Variants in CCDC197 observed in about 807,000 individuals in gnomAD.
The protein encoded by CCDC197 is coiled-coil domain containing 197.
CCDC197 carries 24 observed loss-of-function variants against 13.4 expected under a neutral mutation model. That is an observed-to-expected ratio of 1.80 (90% CI 1.30 to 2.53). CCDC197 has a LOEUF of 2.53. Ranked by LOEUF, CCDC197 falls within the 30% of genes most tolerant of loss-of-function variation. The pLI is 0.00. For synonymous variants in CCDC197, 99 were observed against 55.5 expected (o/e 1.78, Z -3.48); for missense variants, 255 against 148.8 (o/e 1.71, Z -3.71).
intron 6 of CCDC197, among the ~76,000 whole-genome samples, chr14:94,008,073 A>G (rs145168529): frequency 2.0e-5 from 3 of 152,186 alleles, no homozygotes; most frequent in African/African-American, 7.2e-5. Context: ...AAATAGTCAC[A>G]GTGTATTAAT....
At chr14:93,998,716 C>T (rs908871162) in intron 2 of CCDC197, among the ~76,000 whole-genome samples, 1 of 152,254 alleles carries the variant, frequency 6.6e-6, no homozygotes, top group African/African-American at 2.4e-5. Flanking sequence ...GCTGACCCAA[C>T]AGATTCAGAG....
At chr14:94,006,081 C>G (rs981055105) in intron 6 of CCDC197, among the ~76,000 whole-genome samples, 2 of 152,212 alleles carry the variant, frequency 1.3e-5, no homozygotes, top group Non-Finnish European at 2.9e-5. Context: ...CTGCCAAACT[C>G]TTTTCCAAAG....
intron 3 of CCDC197, among the ~76,000 whole-genome samples, chr14:94,000,129 G>A (rs1045288341): frequency 1.3e-5 from 2 of 152,034 alleles, no homozygotes; most frequent in African/African-American, 4.8e-5. Context: ...TATGAGTACT[G>A]GAAACTCATT....
chr14:93,990,904 C>T (rs904247247), intron 1 of CCDC197, among the ~76,000 whole-genome samples: 5 of 152,174 alleles, frequency 3.3e-5, no homozygotes, highest in African/African-American at 1.2e-4. Context: ...ACAGCAACCC[C>T]AGGAGGTAGG....
At chr14:94,010,313 C>T (rs1890786683), downstream of CCDC197, among the ~76,000 whole-genome samples, 1 of 152,232 alleles carries the variant, frequency 6.6e-6, no homozygotes, top group Admixed American at 6.5e-5. Flanking sequence ...AAGCGATTCT[C>T]CTGCCTCAGC....
In CCDC197 at chr14:93,997,996, G is replaced by A; in HGVS notation, c.-133-3G>A. 3.1e-6 allele frequency: 2 copies of A among 641,706 alleles called. No individual in the cohort carries two copies. Among genetic ancestry groups the A allele is most frequent in the Non-Finnish European group, 5.7e-6 (2 of 353,178 alleles). The allele number at this position is 641,706 out of a possible 1,614,324, so 39.8% of individuals were successfully genotyped here. ...TCTGAACCTCTGTCTCCTTTTCTGTGAGGTGGGGATGCTAACCCTGGCTTC... is the reference window on the plus strand; with the variant it reads ...TCTGAACCTCTGTCTCCTTTTCTGTAAGGTGGGGATGCTAACCCTGGCTTC... On this transcript the variant is annotated splice_polypyrimidine_tract_variant and splice_region_variant and intron_variant, in intron 1 of 6. Coordinates refer to ENST00000636493, the MANE Select transcript of CCDC197 (RefSeq NM_001351596.2).
chr14:93,997,979 T>C lies in CCDC197; in HGVS notation c.-133-20T>C. The C allele has an allele frequency of 1.6e-6, 1 of 626,670 alleles. No individual in the cohort carries two copies. The highest frequency in any genetic ancestry group is 2.9e-6 in the Non-Finnish European group (1 of 346,964). 38.8% of individuals were successfully genotyped at this position (626,670 alleles called of 1,614,324 possible). On this transcript the variant is annotated intron_variant, in intron 1 of 6. Transcript: ENST00000636493. ...GCTGCTCACAGCCCCTTTCTGAACC[T>C]CTGTCTCCTTTTCTGTGAGGTGGGG...
At chr14:94,011,580 G>A (rs144016811), downstream of CCDC197, among the ~76,000 whole-genome samples, 60 of 152,330 alleles carry the variant, frequency 3.9e-4, no homozygotes, top group African/African-American at 1.1e-3. Context: ...CAGAAAGCTC[G>A]CTCCCCCATG....
chr14:93,990,141 C>T (rs1428732568), intron 1 of CCDC197, among the ~76,000 whole-genome samples: 1 of 152,190 alleles, frequency 6.6e-6, no homozygotes, highest in East Asian at 1.9e-4. Context: ...GGTAATCTTC[C>T]TAGTTCAAGG....
upstream of CCDC197, chr14:93,997,143 G>C (rs1484964918): frequency 1.3e-5 from 2 of 152,282 alleles, no homozygotes; most frequent in Non-Finnish European, 2.9e-5. Context: ...TCTTGGGAAC[G>C]GGACTGGGAG....
chr14:94,002,081 C>CTTAAAAT (rs1284125631), intron 4 of CCDC197, among the ~76,000 whole-genome samples: 1 of 152,180 alleles, frequency 6.6e-6, no homozygotes, highest in Non-Finnish European at 1.5e-5. Context: ...AAATATCACG[C>CTTAAAAT]CAGCACCTCT....
intron 6 of CCDC197, among the ~76,000 whole-genome samples, chr14:94,005,329 A>C (rs979937226): frequency 6.6e-5 from 10 of 152,192 alleles, no homozygotes; most frequent in Non-Finnish European, 1.2e-4. Context: ...ACACAGACAC[A>C]CCTGCAAATA....
At chr14:94,009,324 G>A (rs1388696108), downstream of CCDC197, among the ~76,000 whole-genome samples, 4 of 152,174 alleles carry the variant, frequency 2.6e-5, no homozygotes, top group East Asian at 5.8e-4. Context: ...TACCAGGTTG[G>A]TACCTTCTGC....
chr14:94,006,460 ATTGTC>A (rs1345994669), intron 6 of CCDC197, among the ~76,000 whole-genome samples: 2 of 151,848 alleles, frequency 1.3e-5, no homozygotes, highest in Non-Finnish European at 2.9e-5. Context: ...GGTTCAAGCA[ATTGTC>A]TTGCCTCAGC....
chr14:93,993,136 C>T (rs1361541804), upstream of CCDC197, among the ~76,000 whole-genome samples: 1 of 152,196 alleles, frequency 6.6e-6, no homozygotes, highest in African/African-American at 2.4e-5. Flanking sequence ...AGCTCCTGTG[C>T]TCTTGCATTA....
intron 3 of CCDC197, among the ~76,000 whole-genome samples, chr14:94,000,227 G>A (rs940138124): frequency 6.6e-6 from 1 of 152,058 alleles, no homozygotes; most frequent in Non-Finnish European, 1.5e-5. Context: ...TATTAAATAT[G>A]TACCCTGTGC....
Position 93,998,228 on chromosome 14 carries a change from C to T in CCDC197, c.97C>T (p.Gln33Ter), listed in dbSNP as rs1383611562. 1 of 780,066 alleles carries T rather than the reference C, an allele frequency of 1.3e-6. No homozygotes were observed. The highest frequency in any genetic ancestry group is 2.4e-6 in the Non-Finnish European group (1 of 418,116). The allele number at this position is 780,066 out of a possible 1,614,324, so 48.3% of individuals were successfully genotyped here. Reference protein sequence around the residue: ...QGLWQELYQLQAKQKKLKREV... With the variant: ...QGLWQELYQL The stretch of plus-strand genomic sequence containing the variant: ...GCTGTGGCAGGAACTCTACCAGCTC[C>T]AGGCTAAGTATGTGTTGTCCCACCC... The change falls in exon 2 of 7, where the codon CAG (glutamine) becomes TAG (stop). Residue 33 changes from glutamine (Q) to a stop codon, truncating the protein, a stop_gained. Transcript: ENST00000636493. LOFTEE classifies it high-confidence loss of function.
chr14:93,995,762 C>T (rs1169956438), upstream of CCDC197, among the ~76,000 whole-genome samples: 1 of 152,164 alleles, frequency 6.6e-6, no homozygotes, highest in Non-Finnish European at 1.5e-5. Context: ...CTGCCCTGAG[C>T]CCCTGTCCTC....
upstream of CCDC197, chr14:93,997,266 C>T (rs1045546980): frequency 6.6e-6 from 1 of 152,326 alleles, no homozygotes; most frequent in Non-Finnish European, 1.5e-5. Flanking sequence ...CACAGCCTGG[C>T]TGTGGCTTTG....
Sources: allele counts gnomAD v4.1 joint callset (sites outside exome capture counted in the v4.1 genomes callset), GRCh38; gene constraint gnomAD v4.1.1; transcripts MANE v1.5; gene names NCBI Gene and HGNC (gene_info 2026-07-23, HGNC 2026-07-21).